The following SLIT3 variants were observed in gnomAD, a reference collection of about 807,000 sequenced individuals.
SLIT3 encodes the protein slit guidance ligand 3, also known as slit homolog 3 protein.
A neutral mutation model predicts 184.0 loss-of-function variants in SLIT3; 68 were observed. That is an observed-to-expected ratio of 0.37 (90% CI 0.30 to 0.45). The LOEUF is 0.45. SLIT3 is among the 20% of genes least tolerant of loss of function. The probability of loss-of-function intolerance (pLI) is 1.00; values close to 1 mark genes in which losing one functional copy is unlikely to be tolerated. For synonymous variants in SLIT3, 831 were observed against 828.6 expected, an observed-to-expected ratio of 1.00 and a Z score of -0.05; for missense variants, 1,707 against 2,026.0, an observed-to-expected ratio of 0.84 and a Z score of 3.02.
intron 4 of SLIT3, among the ~76,000 whole-genome samples, chr5:169,119,303 A>G (rs184813096): frequency 2.0e-5 from 3 of 152,284 alleles, no homozygotes; most frequent in Non-Finnish European, 2.9e-5. Flanking sequence ...TGGGTCTCCT[A>G]GGAAGGAGCA....
intron 4 of SLIT3, among the ~76,000 whole-genome samples, chr5:168,938,673 C>A (rs1317728661): frequency 6.6e-6 from 1 of 152,188 alleles, no homozygotes; most frequent in East Asian, 1.9e-4. Context: ...CTCTGTCACC[C>A]AGGCTGGAGT....
chr5:168,754,398 A>G (rs544855197), intron 16 of SLIT3, among the ~76,000 whole-genome samples: 1 of 152,206 alleles, frequency 6.6e-6, no homozygotes, highest in Non-Finnish European at 1.5e-5. Flanking sequence ...AGCAAGGCAA[A>G]TATCATACGC....
intron 4 of SLIT3, among the ~76,000 whole-genome samples, chr5:168,986,164 C>T (rs1755120191): frequency 4.6e-5 from 7 of 152,152 alleles, no homozygotes; most frequent in Admixed American, 4.6e-4. Flanking sequence ...TCTTTCATGT[C>T]TTTTCTTACG....
intron 1 of SLIT3, 32 bp from the exon 2 acceptor site, chr5:169,251,491 T>C (rs998916301): frequency 6.8e-7 from 1 of 1,479,632 alleles, no homozygotes; most frequent in African/African-American, 1.4e-5. Flanking sequence ...GGTCAGATTT[T>C]TGTGGGTTAC....
intron 12 of SLIT3, among the ~76,000 whole-genome samples, chr5:168,781,967 G>C (rs1430957190): frequency 1.3e-5 from 2 of 152,286 alleles, no homozygotes; most frequent in East Asian, 3.9e-4. Context: ...TAAATGAGAT[G>C]ATGCACATGA....
intron 4 of SLIT3, among the ~76,000 whole-genome samples, chr5:169,118,235 A>G (rs1404686825): frequency 6.6e-6 from 1 of 152,194 alleles, no homozygotes; most frequent in Non-Finnish European, 1.5e-5. Flanking sequence ...GCCTACATAT[A>G]AAAGAATCTG....
chr5:168,750,034 C>T (rs1366108201), intron 18 of SLIT3, among the ~76,000 whole-genome samples: 1 of 152,196 alleles, frequency 6.6e-6, no homozygotes, highest in Non-Finnish European at 1.5e-5. Context: ...CTGAGTCCCC[C>T]ATATCAAGTG....
chr5:168,885,849 G>A (rs747592882), intron 4 of SLIT3, among the ~76,000 whole-genome samples: 24 of 152,154 alleles, frequency 1.6e-4, no homozygotes, highest in Non-Finnish European at 2.6e-4. Context: ...AGTAGCAGTC[G>A]TACAAAGGTT....
Position 169,244,788 on chromosome 5 carries a change from G to C in SLIT3, c.270-12C>G, listed in dbSNP as rs566672333. On this transcript the variant is annotated splice_polypyrimidine_tract_variant and intron_variant, in intron 2 of 35. Transcript: ENST00000519560. ...TGTCTTCCAGATGCCTACAACCACA[G>C]AGACAGCAATGACTAAGGACAAAGC... The C allele has an allele frequency of 1.2e-6, 2 of 1,612,912 alleles. No homozygotes were observed. Among genetic ancestry groups the C allele is most frequent in the Admixed American group, 1.7e-5 (1 of 60,022 alleles).
chr5:169,204,301 A>G (rs12513926), intron 3 of SLIT3, among the ~76,000 whole-genome samples: 10,476 of 152,256 alleles, frequency 0.069, 455 homozygotes, highest in South Asian at 0.12. Context: ...GACCCTGCAA[A>G]GAGTTGCTTG....
chr5:168,705,417 T>C (rs1762345665), intron 26 of SLIT3, among the ~76,000 whole-genome samples: 1 of 152,082 alleles, frequency 6.6e-6, no homozygotes. Context: ...CTGGCTCTTA[T>C]GTTACTGTTA....
At chr5:168,789,828 A>G in intron 10 of SLIT3, 197 bp from the exon 11 acceptor site, 2 of 548,510 alleles carry the variant, frequency 3.6e-6, no homozygotes, top group Non-Finnish European at 6.5e-6. Flanking sequence ...AGTGCACCAC[A>G]TTTACATCAC....
chr5:169,128,018 A>G lies in SLIT3; in HGVS notation c.413+65461T>C, dbSNP rs139650501. ...TCTCAAGGCATTAAAAACTTACCAA[A>G]TGTACCATAGAATGATTAGGTGAAC... On this transcript the variant is annotated intron_variant, in intron 4 of 35. Transcript: ENST00000519560. 2.8e-4 allele frequency among the ~76,000 whole-genome samples: 42 copies of G among 152,214 alleles called. No homozygotes were observed. The East Asian group carries it at 7.7e-3, about 28-fold the overall frequency.
intron 5 of SLIT3, among the ~76,000 whole-genome samples, chr5:168,856,806 T>TGCGCGCGCGCGCGC (rs61149576): frequency 1.5e-5 from 2 of 137,740 alleles, no homozygotes; most frequent in African/African-American, 5.5e-5. Context: ...TGTGTGTGTG[T>TGCGCGCGCGCGCGC]GCGCGCGCGC....
chr5:168,683,095 G>A (rs1303493610), intron 32 of SLIT3, among the ~76,000 whole-genome samples: 1 of 152,192 alleles, frequency 6.6e-6, no homozygotes, highest in Non-Finnish European at 1.5e-5. Flanking sequence ...GCTGGGTGCT[G>A]TGGCTCACAC....
At chr5:168,864,143 G>A (rs1211221658) in intron 5 of SLIT3, among the ~76,000 whole-genome samples, 2 of 151,958 alleles carry the variant, frequency 1.3e-5, no homozygotes, top group Admixed American at 6.6e-5. Flanking sequence ...CCAGGAGGTC[G>A]AGGCTGCAGT....
At chr5:169,195,100 T>C (rs1307720557) in intron 3 of SLIT3, among the ~76,000 whole-genome samples, 1 of 152,180 alleles carries the variant, frequency 6.6e-6, no homozygotes, top group African/African-American at 2.4e-5. Flanking sequence ...TTACATGATG[T>C]AACTATATGA....
chr5:168,954,966 G>T (rs750420586), intron 4 of SLIT3, among the ~76,000 whole-genome samples: 4 of 152,076 alleles, frequency 2.6e-5, no homozygotes, highest in Admixed American at 2.0e-4. Flanking sequence ...TCCAGGTTCC[G>T]GCCTCATTCC....
intron 3 of SLIT3, among the ~76,000 whole-genome samples, chr5:169,215,973 CTAT>C (rs1764422711): frequency 6.6e-6 from 1 of 152,090 alleles, no homozygotes; most frequent in Non-Finnish European, 1.5e-5. Flanking sequence ...TAGTTCAAAC[CTAT>C]TATGAGAGTT....
Sources: allele counts gnomAD v4.1 joint callset (sites outside exome capture counted in the v4.1 genomes callset), GRCh38; gene constraint gnomAD v4.1.1; transcripts MANE v1.5; gene names NCBI Gene and HGNC (gene_info 2026-07-23, HGNC 2026-07-21).